KCNH4: variants seen among roughly 807,000 people sequenced by gnomAD.
The protein encoded by KCNH4 is potassium voltage-gated channel subfamily H member 4.
Under a neutral mutation model 90.7 loss-of-function variants are expected in KCNH4, and 33 were observed. The ratio of observed to expected loss-of-function variants is 0.36; its 90% CI spans 0.28 to 0.49. The LOEUF (loss-of-function observed/expected upper bound fraction) is 0.49. KCNH4 is among the 20% of genes least tolerant of loss of function. The probability of loss-of-function intolerance (pLI) is 0.98; values close to 1 mark genes in which losing one functional copy is unlikely to be tolerated. For synonymous variants in KCNH4, 551 were observed against 581.7 expected (o/e 0.95, Z 0.76); for missense variants, 1,044 against 1,387.1 (o/e 0.75, Z 3.93).
intron 4 of KCNH4, among the ~76,000 whole-genome samples, chr17:42,177,870 A>G (rs1412779724): frequency 6.6e-6 from 1 of 152,208 alleles, no homozygotes; most frequent in Non-Finnish European, 1.5e-5. Flanking sequence ...CATCGGAGCA[A>G]AGTAATGTCA....
At position 42,176,170 on chromosome 17, in the gene KCNH4, A is replaced by T. The variant is rs2079859563; in HGVS notation, c.713T>A (p.Phe238Tyr). 1 of 1,613,896 alleles carries T rather than the reference A, an allele frequency of 6.2e-7. No individual in the cohort carries two copies. Among genetic ancestry groups the T allele is most frequent in the Non-Finnish European group, 8.5e-7 (1 of 1,179,912 alleles). Residue 238 changes from phenylalanine (F) to tyrosine (Y), a missense_variant, in exon 5 of 17, where the codon TTC becomes TAC. Phe to Tyr is a conservative substitution (Grantham distance 22). Coordinates refer to ENST00000264661, the MANE Select transcript of KCNH4 (RefSeq NM_012285.3). ...GTAGGGGACGGTGACCGCAACGTAG[A>T]AGGTGGCAAGGAGGATAAGGCCGTC... is the stretch of plus-strand genomic sequence containing the variant. ...IWDGLILLAT[F>Y]YVAVTVPYNV...
Position 42,180,579 on chromosome 17 carries a change from C to T in KCNH4, c.76+291G>A, listed in dbSNP as rs2079894447. ...ATACACGCCCCCAGCACAGCTCTGC[C>T]CGAGAGTGGGCGGCTCCGAAGGACC... On this transcript the variant is annotated intron_variant, in intron 1 of 16. Transcript: ENST00000264661. The surrounding 1 kb of genome is among the most constrained non-coding windows in gnomAD (Gnocchi z 4.7). Among the ~76,000 whole-genome samples the T allele has an allele frequency of 6.6e-6, 1 of 151,996 alleles. No individual in the cohort carries two copies. Among genetic ancestry groups the T allele is most frequent in the African/African-American group, 2.4e-5 (1 of 41,378 alleles).
intron 16 of KCNH4, among the ~76,000 whole-genome samples, chr17:42,159,454 C>G (rs974186515): frequency 2.6e-5 from 4 of 152,120 alleles, no homozygotes; most frequent in Admixed American, 2.6e-4. Flanking sequence ...GCCTCTCCAG[C>G]CTGGGCTCAT....
At chr17:42,178,248 G>A (rs770740313) in intron 3 of KCNH4, 21 bp from the exon 4 acceptor site, 2 of 1,614,228 alleles carry the variant, frequency 1.2e-6, no homozygotes, top group South Asian at 1.1e-5. Flanking sequence ...GAAAGGTGCA[G>A]AGATACGTTG....
intron 9 of KCNH4, among the ~76,000 whole-genome samples, chr17:42,166,757 T>C (rs1167509994): frequency 6.6e-6 from 1 of 152,086 alleles, no homozygotes; most frequent in Non-Finnish European, 1.5e-5. Flanking sequence ...GACCAGGTCT[T>C]CTCCCATCAG....
chr17:42,163,752 G>C lies in KCNH4; in HGVS notation c.2331C>G (p.Ser777=), dbSNP rs968515539. ...GGGCAGGGGACAGGGATGGGGATAA[G>C]GAAGGAGAGGAGACAAGGGCTGAGA... ...PPFSALVSSP[S]LSPSLSPALA... The change falls in exon 13 of 17, where the codon TCC becomes TCG. Residue 777 remains serine (S), a synonymous_variant. Coordinates refer to ENST00000264661, the MANE Select transcript of KCNH4 (RefSeq NM_012285.3). This position sits in a 1 kb window ranked among gnomAD's most constrained non-coding sequence, Gnocchi z 5.4. 7.0e-6 allele frequency: 11 copies of C among 1,560,488 alleles called. No individual in the cohort carries two copies. Among genetic ancestry groups the C allele is most frequent in the Admixed American group, 4.0e-5 (2 of 49,976 alleles).
chr17:42,165,659 C>A lies in KCNH4; in HGVS notation c.1875G>T (p.Glu625Asp). 6.2e-7 allele frequency: 1 copy of A among 1,614,202 alleles called. No homozygotes were observed. The stretch of plus-strand genomic sequence containing the variant: ...CTCCCAACCCAGGCTCCTGCCCCGG[C>A]TCAGGGATATCTGCTCCAATCAGGT... ...KGDLIGADIP[E>D]PGQEPGLGAD... The change falls in exon 11 of 17, where the codon GAG becomes GAT. Residue 625 changes from glutamate to aspartate, a missense_variant. Around this residue, in one of 4 missense-constraint regions of KCNH4, gnomAD observed 441 missense variants for 512.3 expected, o/e 0.86. Coordinates refer to ENST00000264661, the MANE Select transcript of KCNH4 (RefSeq NM_012285.3).
At chr17:42,176,368 A>C in intron 4 of KCNH4, 71 bp from the exon 5 acceptor site, 1 of 1,153,902 alleles carries the variant, frequency 8.7e-7, no homozygotes, top group Non-Finnish European at 1.2e-6. Context: ...TGGGAAAGGC[A>C]GGGGATGGGG....
At chr17:42,179,797 T>C (rs2079888425) in intron 1 of KCNH4, among the ~76,000 whole-genome samples, 1 of 152,228 alleles carries the variant, frequency 6.6e-6, no homozygotes, top group Admixed American at 6.5e-5. Flanking sequence ...CAAAGTCTAA[T>C]GGGAGAGGGC....
intron 7 of KCNH4, among the ~76,000 whole-genome samples, chr17:42,170,678 G>T (rs896845705): frequency 2.6e-5 from 4 of 152,252 alleles, no homozygotes; most frequent in Non-Finnish European, 4.4e-5. Flanking sequence ...TGGAAGGAAA[G>T]TATTGTATAG....
Position 42,160,027 on chromosome 17 carries a change from C to A in KCNH4, c.*13G>T. ...AGCGCCCACCCCAGACAGGCCTGGGCCCTGGGCCAGGGTCAGTGGAACGTG... is the reference window on the plus strand; with the variant it reads ...AGCGCCCACCCCAGACAGGCCTGGGACCTGGGCCAGGGTCAGTGGAACGTG... On this transcript the variant is annotated 3_prime_UTR_variant, in exon 16 of 17. Transcript: ENST00000264661. The A allele has an allele frequency of 6.6e-7, 1 of 1,506,658 alleles. No individual in the cohort carries two copies. The highest frequency in any genetic ancestry group is 8.9e-7 in the Non-Finnish European group (1 of 1,126,978). The allele number at this position is 1,506,658 out of a possible 1,614,324, so 93.3% of individuals were successfully genotyped here.
At chr17:42,169,749 T>C in intron 8 of KCNH4, 73 bp from the exon 9 acceptor site, 1 of 1,493,866 alleles carries the variant, frequency 6.7e-7, no homozygotes, top group Non-Finnish European at 9.2e-7. Context: ...AAACCCACCC[T>C]GTCCTGGACC....
At position 42,175,648 on chromosome 17, in the gene KCNH4, G is replaced by A. The variant is rs1394848825; in HGVS notation, c.918C>T (p.Ala306=). The stretch of plus-strand genomic sequence containing the variant: ...CAATAAGGTCGATGAAGAACCAGGT[G>A]GCCAGGTAGTGGAGGCCAATGGAAC... The part of the protein sequence containing the change: ...APRSIGLHYL[A]TWFFIDLIAA... Residue 306 remains alanine (A), a synonymous_variant, in exon 6 of 17, where the codon GCC becomes GCT. Coordinates refer to ENST00000264661, the MANE Select transcript of KCNH4 (RefSeq NM_012285.3). The A allele has an allele frequency of 6.2e-7, 1 of 1,614,176 alleles. No homozygotes were observed. The highest frequency in any genetic ancestry group is 1.1e-5 in the South Asian group (1 of 91,084).
At chr17:42,177,858 A>G (rs1362438964) in intron 4 of KCNH4, among the ~76,000 whole-genome samples, 2 of 152,246 alleles carry the variant, frequency 1.3e-5, no homozygotes, top group East Asian at 1.9e-4. Context: ...GCAATGTGAC[A>G]TCATCGGAGC....
intron 15 of KCNH4, among the ~76,000 whole-genome samples, chr17:42,161,402 G>C (rs1192985968): frequency 6.6e-6 from 1 of 152,226 alleles, no homozygotes; most frequent in African/African-American, 2.4e-5. Flanking sequence ...ATGTTTATCA[G>C]AACACAGGGA....
chr17:42,170,016 G>A (rs563408885), intron 8 of KCNH4, 91 bp downstream of exon 8: 22 of 1,320,790 alleles, frequency 1.7e-5, no homozygotes, highest in South Asian at 1.4e-4. Flanking sequence ...TAGACACCTC[G>A]GGCAGATGTC....
chr17:42,178,536 C>T (rs1567643571), intron 2 of KCNH4, 59 bp from the exon 3 acceptor site: 2 of 1,584,302 alleles, frequency 1.3e-6, no homozygotes, highest in Non-Finnish European at 1.7e-6. Flanking sequence ...ATGCCTTTCT[C>T]CTCATCCCTC....
chr17:42,157,912 T>A (rs2079719766), intron 16 of KCNH4, among the ~76,000 whole-genome samples: 1 of 151,690 alleles, frequency 6.6e-6, no homozygotes, highest in South Asian at 2.1e-4. Flanking sequence ...CCACTACACC[T>A]GGCTAATTTT....
At position 42,178,861 on chromosome 17, in the gene KCNH4, T is replaced by C. The variant is rs2079881693; in HGVS notation, c.242A>G (p.Gln81Arg). 1 of 1,614,080 alleles carries C rather than the reference T, an allele frequency of 6.2e-7. No individual in the cohort carries two copies. ...YGPETSEPAL[Q>R]RLHKALEGHQ... is the part of the protein sequence containing the mutation. ...GCCCTCCAGGGCTTTGTGCAGACGC[T>C]GCAGGGCTGGCTCACTGGTCTCTGG... The change falls in exon 2 of 17, where the codon CAG becomes CGG. Residue 81 changes from glutamine to arginine, a missense_variant. By Grantham distance (43) the Gln-to-Arg change is conservative (BLOSUM62 1). Around this residue, in one of 4 missense-constraint regions of KCNH4, gnomAD observed 283 missense variants for 378.6 expected, o/e 0.75. Coordinates refer to ENST00000264661, the MANE Select transcript of KCNH4 (RefSeq NM_012285.3).
Sources: gnomAD v4.1 joint callset for allele counts (sites outside exome capture counted in the v4.1 genomes callset) on GRCh38, gnomAD v4.1.1 for gene constraint, gnomAD v4.1.1 regional missense constraint, Gnocchi (gnomAD v3.1) non-coding constraint, MANE v1.5 for transcripts, NCBI Gene and HGNC (gene_info 2026-07-23, HGNC 2026-07-21) for gene names.